The following TSNARE1 variants were observed in gnomAD, a reference collection of about 807,000 sequenced individuals.
TSNARE1 encodes t-SNARE domain containing 1, also known as t-SNARE domain-containing protein 1.
Under a neutral mutation model 62.0 loss-of-function variants are expected in TSNARE1, and 49 were observed. The ratio of observed to expected loss-of-function variants is 0.79; its 90% CI spans 0.63 to 1.00. The LOEUF is 1.00. Ranked by LOEUF, TSNARE1 falls within the 50% of genes least tolerant of loss-of-function variation. TSNARE1 has a pLI of 0.00. For synonymous variants in TSNARE1, 328 were observed against 294.4 expected (o/e 1.11, Z -1.17); for missense variants, 755 against 700.1 (o/e 1.08, Z -0.88).
chr8:142,280,070 G>A (rs754882305), intron 11 of TSNARE1: 2 of 1,232,122 alleles, frequency 1.6e-6, no homozygotes, highest in East Asian at 7.5e-5. Flanking sequence ...ACTGCCTGCA[G>A]GATGCGGCTC....
chr8:142,366,861 G>A (rs1025226972), intron 1 of TSNARE1, among the ~76,000 whole-genome samples: 1 of 152,244 alleles, frequency 6.6e-6, no homozygotes, highest in East Asian at 1.9e-4. Flanking sequence ...TGATATGACA[G>A]TATACTTGGA....
intron 11 of TSNARE1, among the ~76,000 whole-genome samples, chr8:142,283,689 T>C (rs1001462930): frequency 1.3e-5 from 2 of 149,608 alleles, no homozygotes; most frequent in East Asian, 4.0e-4. Context: ...CCAGTGTCTG[T>C]CAATGAGCAG....
At chr8:142,312,963 T>G (rs562387845) in intron 9 of TSNARE1, among the ~76,000 whole-genome samples, 1 of 152,332 alleles carries the variant, frequency 6.6e-6, no homozygotes, top group South Asian at 2.1e-4. Flanking sequence ...CTCCGATGTT[T>G]CCCCCATGTT....
intron 4 of TSNARE1, among the ~76,000 whole-genome samples, chr8:142,337,880 C>T (rs571785786): frequency 5.1e-4 from 77 of 152,314 alleles, no homozygotes; most frequent in African/African-American, 1.7e-3. Flanking sequence ...CTCAGAGGGA[C>T]GGCCACCCAG....
At chr8:142,286,564 T>C (rs1184583671) in intron 10 of TSNARE1, among the ~76,000 whole-genome samples, 1 of 152,094 alleles carries the variant, frequency 6.6e-6, no homozygotes, top group Non-Finnish European at 1.5e-5. Flanking sequence ...GGCATGGCTA[T>C]GGGGGCAACA....
Position 142,232,008 on chromosome 8 carries a change from G to T in TSNARE1, c.1447-2429C>A, listed in dbSNP as rs891106843. Among the ~76,000 whole-genome samples the T allele has an allele frequency of 3.9e-5, 6 of 152,366 alleles. No homozygotes were observed. In the South Asian group the frequency reaches 6.2e-4, roughly 16 times the overall value. ...GTGGGGGTCTCCCAGGTACCTGAGG[G>T]GAGCAAAGGGCATGGAAAAGAAACA... On this transcript the variant is annotated intron_variant, in intron 12 of 13. Coordinates refer to ENST00000524325, the MANE Select transcript of TSNARE1 (RefSeq NM_145003.5).
chr8:142,283,639 C>G (rs138431829), intron 11 of TSNARE1, among the ~76,000 whole-genome samples: 1,591 of 132,998 alleles, frequency 0.012, 10 homozygotes, highest in East Asian at 0.072. Flanking sequence ...TGTCAATGAA[C>G]AGAGGCAGGG....
At chr8:142,274,965 C>T in intron 11 of TSNARE1, 102 bp from the exon 12 acceptor site, 1 of 1,396,102 alleles carries the variant, frequency 7.2e-7, no homozygotes, top group African/African-American at 1.5e-5. Context: ...GAGCCCAGGG[C>T]CTGCAGAGGA....
chr8:142,301,913 C>T (rs972927286), intron 9 of TSNARE1, among the ~76,000 whole-genome samples: 2 of 152,230 alleles, frequency 1.3e-5, no homozygotes, highest in African/African-American at 2.4e-5. Flanking sequence ...TGCAGCAGCG[C>T]CTGCCCTCAG....
chr8:142,398,584 A>T (rs893433689), intron 1 of TSNARE1, among the ~76,000 whole-genome samples: 2 of 151,718 alleles, frequency 1.3e-5, no homozygotes, highest in Non-Finnish European at 2.9e-5. Flanking sequence ...TCCTCACTCC[A>T]CTGCCTCGAC....
intron 12 of TSNARE1, among the ~76,000 whole-genome samples, chr8:142,266,881 C>T (rs1819160860): frequency 6.6e-6 from 1 of 152,194 alleles, no homozygotes; most frequent in Non-Finnish European, 1.5e-5. Context: ...TTTCTTACCT[C>T]TCTTTGCAAC....
chr8:142,212,816 T>C (rs113953964), intron 13 of TSNARE1, among the ~76,000 whole-genome samples: 16 of 25,200 alleles, frequency 6.3e-4, no homozygotes, highest in African/African-American at 3.1e-3. Context: ...TTCCCCCCCC[T>C]GTCCCTCCCT....
chr8:142,375,668 G>T (rs1447482994), intron 1 of TSNARE1, among the ~76,000 whole-genome samples: 1 of 152,258 alleles, frequency 6.6e-6, no homozygotes, highest in Non-Finnish European at 1.5e-5. Flanking sequence ...AATTAGCAAA[G>T]CAAGTGGTTC....
intron 4 of TSNARE1, 109 bp from the exon 5 acceptor site, chr8:142,331,940 G>A: frequency 9.1e-7 from 1 of 1,103,182 alleles, no homozygotes; most frequent in Non-Finnish European, 1.3e-6. Flanking sequence ...CCGACAGGCA[G>A]CAGAGTGGCC....
chr8:142,278,238 A>C (rs1820820034), intron 11 of TSNARE1: 1 of 985,408 alleles, frequency 1.0e-6, no homozygotes, highest in Non-Finnish European at 1.2e-6. Flanking sequence ...TGCGTCTCCC[A>C]ACCAGTCCGG....
At chr8:142,402,454 G>A (rs1425725714) in intron 1 of TSNARE1, among the ~76,000 whole-genome samples, 7 of 152,252 alleles carry the variant, frequency 4.6e-5, no homozygotes, top group East Asian at 1.9e-4. Context: ...AGAGCTTCCA[G>A]AGCAGGAGGA....
chr8:142,360,012 G>T (rs531624370), intron 1 of TSNARE1, among the ~76,000 whole-genome samples: 6 of 152,226 alleles, frequency 3.9e-5, no homozygotes, highest in Non-Finnish European at 5.9e-5. Context: ...TGCAGGGAAG[G>T]GCTGTGCCAC....
intron 12 of TSNARE1, among the ~76,000 whole-genome samples, chr8:142,256,593 T>C (rs943751725): frequency 2.1e-5 from 3 of 143,780 alleles, no homozygotes; most frequent in Non-Finnish European, 4.6e-5. Context: ...ACCATCACCA[T>C]CACTATCATC....
intron 6 of TSNARE1, among the ~76,000 whole-genome samples, chr8:142,324,280 T>C (rs1362632888): frequency 6.6e-6 from 1 of 152,112 alleles, no homozygotes; most frequent in Non-Finnish European, 1.5e-5. Context: ...CTCTGCACAG[T>C]TTTGGTGAAA....
Sources: gnomAD v4.1 joint callset for allele counts (sites outside exome capture counted in the v4.1 genomes callset) on GRCh38, gnomAD v4.1.1 for gene constraint, MANE v1.5 for transcripts, NCBI Gene and HGNC (gene_info 2026-07-23, HGNC 2026-07-21) for gene names.